IPCEF1: variants seen among roughly 807,000 people sequenced by gnomAD.
The protein encoded by IPCEF1 is interactor protein for cytohesin exchange factors 1.
Under a neutral mutation model 50.9 loss-of-function variants are expected in IPCEF1, and 31 were observed. That is an observed-to-expected ratio of 0.61 (90% confidence interval 0.46 to 0.82). IPCEF1 has a LOEUF of 0.82. Ranked by LOEUF, IPCEF1 falls within the 40% of genes least tolerant of loss-of-function variation. The pLI, the probability that IPCEF1 is intolerant of heterozygous loss-of-function variation, is 0.00. For synonymous variants in IPCEF1, 181 were observed against 192.0 expected (o/e 0.94, Z 0.47); for missense variants, 458 against 514.0 (o/e 0.89, Z 1.05).
intron 3 of IPCEF1, among the ~76,000 whole-genome samples, chr6:154,262,702 C>A (rs1781630505): frequency 1.4e-5 from 2 of 145,754 alleles, no homozygotes; most frequent in African/African-American, 4.9e-5. Flanking sequence ...CCCAAGGATC[C>A]AACAATCCTA....
Position 154,237,629 on chromosome 6 carries a change from A to G in IPCEF1, c.246+8962T>C, listed in dbSNP as rs537004143. On this transcript the variant is annotated intron_variant, in intron 5 of 11. Transcript: ENST00000367220. ...TGTTCTTGGTCAACATTTACTTGCA[A>G]GAAAATAGACGCATAGACATTTGCA... Among the ~76,000 whole-genome samples the G allele has an allele frequency of 7.2e-5, 11 of 152,308 alleles. No homozygotes were observed. The Middle Eastern group carries it at 0.01, about 141-fold the overall frequency.
At chr6:154,331,484 A>AAAAG (rs60506168) in intron 1 of IPCEF1, among the ~76,000 whole-genome samples, 58,446 of 149,360 alleles carry the variant, frequency 0.39, 11,990 homozygotes, top group East Asian at 0.64. Context: ...GGGAAGGAAG[A>AAAAG]AAAGAAAGAA....
chr6:154,316,348 T>C (rs1306560821), intron 1 of IPCEF1, among the ~76,000 whole-genome samples: 1 of 152,224 alleles, frequency 6.6e-6, no homozygotes, highest in Non-Finnish European at 1.5e-5. Flanking sequence ...CTCACTTTAT[T>C]GTGATACTTA....
intron 1 of IPCEF1, among the ~76,000 whole-genome samples, chr6:154,315,870 C>A (rs1408166888): frequency 6.6e-6 from 1 of 152,060 alleles, no homozygotes; most frequent in Non-Finnish European, 1.5e-5. Flanking sequence ...CTCTGTCACC[C>A]AGGCTGGAGT....
At chr6:154,191,993 T>C (rs563994922) in intron 10 of IPCEF1, among the ~76,000 whole-genome samples, 6 of 152,196 alleles carry the variant, frequency 3.9e-5, no homozygotes, top group Non-Finnish European at 4.4e-5. Context: ...TCACCAATAG[T>C]AGATACATTT....
intron 10 of IPCEF1, among the ~76,000 whole-genome samples, chr6:154,176,933 A>G (rs1026054661): frequency 6.6e-6 from 1 of 152,182 alleles, no homozygotes; most frequent in African/African-American, 2.4e-5. Context: ...CACTGGTACT[A>G]AAACAGAGAT....
At chr6:154,228,982 T>G (rs1377532798) in intron 5 of IPCEF1, among the ~76,000 whole-genome samples, 2 of 152,208 alleles carry the variant, frequency 1.3e-5, no homozygotes, top group African/African-American at 4.8e-5. Context: ...CCTTCCTACC[T>G]CATTCCCCTA....
chr6:154,314,532 T>G (rs1783163957), intron 1 of IPCEF1, among the ~76,000 whole-genome samples: 1 of 150,988 alleles, frequency 6.6e-6, no homozygotes, highest in Non-Finnish European at 1.5e-5. Context: ...TTTTAAAACT[T>G]GCCCTTCCTC....
chr6:154,214,956 T>C (rs1778266388), intron 7 of IPCEF1, among the ~76,000 whole-genome samples: 1 of 152,252 alleles, frequency 6.6e-6, no homozygotes, highest in Non-Finnish European at 1.5e-5. Flanking sequence ...CTCAAGGGTT[T>C]ACTTAGGAAC....
At chr6:154,332,073 T>C (rs570566892) in intron 1 of IPCEF1, among the ~76,000 whole-genome samples, 1 of 152,250 alleles carries the variant, frequency 6.6e-6, no homozygotes, top group South Asian at 2.1e-4. Context: ...GCCAAATTCT[T>C]TCCTCTGAGG....
chr6:154,219,953 A>C (rs1002153524), intron 7 of IPCEF1, among the ~76,000 whole-genome samples: 1 of 151,156 alleles, frequency 6.6e-6, no homozygotes, highest in African/African-American at 2.4e-5. Flanking sequence ...GAGTCCTTCT[A>C]GCTGGACAGA....
intron 4 of IPCEF1, 33 bp from the exon 5 acceptor site, chr6:154,246,793 A>G (rs1407205140): frequency 1.4e-5 from 23 of 1,601,816 alleles, no homozygotes; most frequent in African/African-American, 4.0e-5. Context: ...TAGATAATGT[A>G]TTACCCTGAT....
At position 154,319,153 on chromosome 6, in the gene IPCEF1, T is replaced by C. The variant is rs192743549; in HGVS notation, c.-61-29397A>G. Among the ~76,000 whole-genome samples the C allele has an allele frequency of 5.9e-5, 9 of 152,334 alleles. No homozygotes were observed. In the East Asian group the frequency reaches 1.7e-3, roughly 29 times the overall value. The stretch of plus-strand genomic sequence containing the variant: ...GAATGAAGTATATTAAAATTCATTC[T>C]GCTCTTTTCCCTTCCCTCCCCTTAC... On this transcript the variant is annotated intron_variant, in intron 1 of 11. Transcript: ENST00000367220.
At chr6:154,340,651 C>T (rs144637394) in intron 1 of IPCEF1, among the ~76,000 whole-genome samples, 166 of 151,108 alleles carry the variant, frequency 1.1e-3, no homozygotes, top group African/African-American at 3.6e-3. Context: ...TTTGGGAGGC[C>T]GAGGTGGGCG....
intron 3 of IPCEF1, among the ~76,000 whole-genome samples, chr6:154,251,005 C>T (rs2128646113): frequency 6.6e-6 from 1 of 152,226 alleles, no homozygotes; most frequent in Middle Eastern, 3.4e-3. Context: ...GGATGTTCTT[C>T]CAGAAACCCC....
intron 9 of IPCEF1, among the ~76,000 whole-genome samples, chr6:154,201,432 T>C (rs992985750): frequency 2.6e-5 from 4 of 152,222 alleles, no homozygotes; most frequent in Admixed American, 6.5e-5. Flanking sequence ...CAACTCTGTC[T>C]TGTTCCTCCA....
At chr6:154,263,241 A>T (rs80254922) in intron 3 of IPCEF1, among the ~76,000 whole-genome samples, 1,720 of 72,504 alleles carry the variant, frequency 0.024, 17 homozygotes, top group African/African-American at 0.063. Context: ...TTTTTTTTTT[A>T]AATTTATTTA....
At chr6:154,304,245 A>C (rs2128676784) in intron 1 of IPCEF1, among the ~76,000 whole-genome samples, 1 of 152,156 alleles carries the variant, frequency 6.6e-6, no homozygotes, top group South Asian at 2.1e-4. Context: ...TAATTAAAAA[A>C]TAATAATAAA....
chr6:154,305,780 G>T (rs1782916630), intron 1 of IPCEF1, among the ~76,000 whole-genome samples: 1 of 152,322 alleles, frequency 6.6e-6, no homozygotes, highest in South Asian at 2.1e-4. Context: ...AAATGGACTT[G>T]CTGAGGCTTC....
Sources: allele counts gnomAD v4.1 joint callset (sites outside exome capture counted in the v4.1 genomes callset), GRCh38; gene constraint gnomAD v4.1.1; transcripts MANE v1.5; gene names NCBI Gene and HGNC (gene_info 2026-07-23, HGNC 2026-07-21).